CSMD1: variants seen among roughly 807,000 people sequenced by gnomAD.
CSMD1 encodes the protein CUB and Sushi multiple domains 1, also known as CUB and sushi domain-containing protein 1.
In CSMD1, 213 loss-of-function variants were observed where a neutral mutation model predicts 417.5. The observed-to-expected ratio is 0.51, with a 90% CI of 0.46 to 0.57. CSMD1 has a LOEUF of 0.57. CSMD1 is among the 20% of genes least tolerant of loss of function. The probability of loss-of-function intolerance (pLI) is 0.00; values close to 1 mark genes in which losing one functional copy is unlikely to be tolerated. For synonymous variants in CSMD1, 2,862 were observed against 1,736.8 expected (o/e 1.65, Z -16.11); for missense variants, 6,923 against 4,529.7 (o/e 1.53, Z -15.17).
chr8:4,414,221 T>C (rs1796803760), intron 3 of CSMD1, among the ~76,000 whole-genome samples: 2 of 152,078 alleles, frequency 1.3e-5, no homozygotes, highest in African/African-American at 4.8e-5. Context: ...TTAAAGAAAA[T>C]CATGCTTGAG....
chr8:3,481,574 G>A lies in CSMD1; in HGVS notation c.1448+12049C>T, dbSNP rs185153062. Among the ~76,000 whole-genome samples, 173 of 152,302 alleles carry A rather than the reference G, an allele frequency of 1.1e-3. 1 individual carries two copies. The highest frequency in any genetic ancestry group is 2.1e-3 in the Non-Finnish European group (140 of 68,022). On this transcript the variant is annotated intron_variant, in intron 11 of 69. Transcript: ENST00000635120. ...TGTGAAACTTACTTTTCAGATGAAA[G>A]ATTTTGCAAATGTGATTAAGTTAAG...
At chr8:4,787,883 A>C (rs769441579) in intron 1 of CSMD1, 94 of 1,578,586 alleles carry the variant, frequency 6.0e-5, no homozygotes, top group Non-Finnish European at 8.1e-5. Context: ...GTTGATATGA[A>C]GATTGAATTT....
intron 6 of CSMD1, among the ~76,000 whole-genome samples, chr8:3,751,476 CAT>C (rs1417739025): frequency 1.4e-5 from 2 of 147,856 alleles, no homozygotes; most frequent in African/African-American, 4.9e-5. Flanking sequence ...TATAATTAAG[CAT>C]ATATTATAGA....
intron 1 of CSMD1, among the ~76,000 whole-genome samples, chr8:4,904,494 C>T (rs1805106752): frequency 6.6e-6 from 1 of 152,112 alleles, no homozygotes; most frequent in African/African-American, 2.4e-5. Flanking sequence ...GCTCAATCGT[C>T]CTGACTCAGA....
chr8:3,763,078 G>T (rs539868880), intron 5 of CSMD1, among the ~76,000 whole-genome samples: 1 of 152,032 alleles, frequency 6.6e-6, no homozygotes, highest in Non-Finnish European at 1.5e-5. Context: ...CTATTCTCAC[G>T]GTCTCTCTGG....
chr8:3,926,435 G>C (rs377590642), intron 5 of CSMD1, among the ~76,000 whole-genome samples: 2 of 151,962 alleles, frequency 1.3e-5, no homozygotes, highest in African/African-American at 4.8e-5. Flanking sequence ...CTAATATAGA[G>C]TCTGTTATAA....
chr8:3,852,678 G>A (rs545987046), intron 5 of CSMD1, among the ~76,000 whole-genome samples: 2 of 64,212 alleles, frequency 3.1e-5, no homozygotes, highest in East Asian at 1.6e-3. Context: ...GAATGGTGAT[G>A]GGGGTGGGGA....
chr8:4,878,886 G>A (rs1287726376), intron 1 of CSMD1, among the ~76,000 whole-genome samples: 2 of 150,996 alleles, frequency 1.3e-5, no homozygotes, highest in Admixed American at 1.3e-4. Flanking sequence ...CACACAAAAA[G>A]CTGATGATGC....
chr8:3,486,897 C>A (rs1051983289), intron 11 of CSMD1, among the ~76,000 whole-genome samples: 1 of 152,152 alleles, frequency 6.6e-6, no homozygotes, highest in Non-Finnish European at 1.5e-5. Flanking sequence ...ACAGGGTGTC[C>A]AGAGAGATCT....
At chr8:3,907,876 C>G (rs1461205546) in intron 5 of CSMD1, among the ~76,000 whole-genome samples, 1 of 152,318 alleles carries the variant, frequency 6.6e-6, no homozygotes, top group Middle Eastern at 3.4e-3. Context: ...ATAACTTTCT[C>G]TCTTCTTGAG....
chr8:4,429,939 T>C (rs1032737152), intron 2 of CSMD1, among the ~76,000 whole-genome samples: 4 of 151,968 alleles, frequency 2.6e-5, no homozygotes, highest in Admixed American at 2.6e-4. Context: ...CATCAGGGAA[T>C]GAAAAAGACA....
intron 3 of CSMD1, among the ~76,000 whole-genome samples, chr8:4,069,812 C>T (rs937467062): frequency 1.3e-5 from 2 of 152,222 alleles, no homozygotes; most frequent in African/African-American, 4.8e-5. Flanking sequence ...CTCGACAACT[C>T]ACTACTGAAA....
At chr8:3,845,810 CTA>C (rs1803466312) in intron 5 of CSMD1, among the ~76,000 whole-genome samples, 1 of 151,698 alleles carries the variant, frequency 6.6e-6, no homozygotes, top group Non-Finnish European at 1.5e-5. Flanking sequence ...TATTTTTATT[CTA>C]TGTGCTTTCT....
chr8:4,354,979 G>T (rs1248508035), intron 3 of CSMD1, among the ~76,000 whole-genome samples: 2 of 151,160 alleles, frequency 1.3e-5, no homozygotes, highest in Non-Finnish European at 2.9e-5. Context: ...TAGATCTTTT[G>T]TGGCCAGGCA....
intron 7 of CSMD1, among the ~76,000 whole-genome samples, chr8:3,628,936 G>A (rs911383121): frequency 6.6e-6 from 1 of 151,892 alleles, no homozygotes; most frequent in South Asian, 2.1e-4. Context: ...AAAAAGAGTA[G>A]GAATGAGAAA....
At chr8:4,209,751 C>CA (rs1353536783) in intron 3 of CSMD1, among the ~76,000 whole-genome samples, 3 of 152,126 alleles carry the variant, frequency 2.0e-5, no homozygotes, top group African/African-American at 7.2e-5. Flanking sequence ...CCTAGCACAG[C>CA]AGGACTACAC....
chr8:3,552,865 C>A (rs1287928891), intron 10 of CSMD1, among the ~76,000 whole-genome samples: 1 of 152,002 alleles, frequency 6.6e-6, no homozygotes, highest in African/African-American at 2.4e-5. Flanking sequence ...AAAAGATTTA[C>A]TTGTTTAATA....
chr8:4,150,480 T>A (rs1042945856), intron 3 of CSMD1, among the ~76,000 whole-genome samples: 1 of 152,186 alleles, frequency 6.6e-6, no homozygotes, highest in African/African-American at 2.4e-5. Flanking sequence ...GCTAACAGAA[T>A]TTTTCACAAC....
intron 1 of CSMD1, among the ~76,000 whole-genome samples, chr8:4,875,575 T>A (rs528537929): frequency 2.0e-4 from 30 of 152,214 alleles, no homozygotes; most frequent in African/African-American, 6.7e-4. Context: ...CTTGTCACCA[T>A]GATTCGAAGC....
Sources: allele counts gnomAD v4.1 joint callset (sites outside exome capture counted in the v4.1 genomes callset), GRCh38; gene constraint gnomAD v4.1.1; transcripts MANE v1.5; gene names NCBI Gene and HGNC (gene_info 2026-07-23, HGNC 2026-07-21).